Variants in CALN1 observed in about 807,000 individuals in gnomAD.
The protein encoded by CALN1 is calneuron 1, also known as calcium-binding protein 8.
CALN1 carries 17 observed loss-of-function variants against 30.6 expected under a neutral mutation model. The ratio of observed to expected loss-of-function variants is 0.56; its 90% confidence interval spans 0.38 to 0.83. CALN1 has a LOEUF of 0.83. Ranked by LOEUF, CALN1 falls within the 40% of genes least tolerant of loss-of-function variation. CALN1 has a pLI of 0.00. For missense variants in CALN1, 291 were observed against 354.9 expected (o/e 0.82, Z 1.45); for synonymous variants, 156 against 131.4 (o/e 1.19, Z -1.28).
At chr7:72,141,804 G>C (rs192730712) in intron 3 of CALN1, among the ~76,000 whole-genome samples, 296 of 152,186 alleles carry the variant, frequency 1.9e-3, no homozygotes, top group Middle Eastern at 0.01. Context: ...CCTGACCTCA[G>C]GTGATCCTCC....
At chr7:71,813,033 C>G (rs978889587) in intron 5 of CALN1, among the ~76,000 whole-genome samples, 7 of 151,930 alleles carry the variant, frequency 4.6e-5, no homozygotes, top group African/African-American at 1.7e-4. Context: ...ACTGCAACCT[C>G]CACCTCCCGA....
chr7:71,867,950 T>C (rs1037899435), intron 5 of CALN1, among the ~76,000 whole-genome samples: 4 of 152,246 alleles, frequency 2.6e-5, no homozygotes, highest in Admixed American at 1.3e-4. Flanking sequence ...AGTCCACTTA[T>C]GTTTTTAAAC....
chr7:71,799,785 T>C (rs1787198715), intron 6 of CALN1, among the ~76,000 whole-genome samples: 1 of 152,128 alleles, frequency 6.6e-6, no homozygotes, highest in African/African-American at 2.4e-5. Flanking sequence ...TGGGTCTCTA[T>C]TTTCTGTTTC....
rs771972574 is a variant in CALN1, at chr7:72,106,165, C to T, written c.374G>A (p.Arg125His). ...CCGGGTCTTACCGTCCATGTCCAAG[C>T]GCTGCATGATGATGGCCAGCTCCAC... Reference protein sequence around the residue: ...SEVELAIIMQRLDMDGDGQVD... With the variant: ...SEVELAIIMQHLDMDGDGQVD... Residue 125 changes from arginine to histidine, a missense_variant, in exon 4 of 7, where the codon CGC becomes CAC. Physicochemically the swap from Arg to His is conservative, Grantham distance 29. Coordinates refer to ENST00000395275, the MANE Select transcript of CALN1 (RefSeq NM_031468.4). 17 of 1,613,708 alleles carry T rather than the reference C, an allele frequency of 1.1e-5. No individual in the cohort carries two copies. The highest frequency in any genetic ancestry group is 3.3e-5 in the Admixed American group (2 of 59,968).
At chr7:72,354,499 T>G (rs1243648339) in intron 2 of CALN1, among the ~76,000 whole-genome samples, 1 of 152,172 alleles carries the variant, frequency 6.6e-6, no homozygotes, top group East Asian at 1.9e-4. Flanking sequence ...CAAAACCATT[T>G]TTTCAGAGAA....
At chr7:71,868,603 C>T (rs1791734963) in intron 5 of CALN1, among the ~76,000 whole-genome samples, 1 of 151,910 alleles carries the variant, frequency 6.6e-6, no homozygotes, top group Admixed American at 6.6e-5. Context: ...AACTCCTGAC[C>T]TCAGGTTATC....
rs767038975 is a variant in CALN1 at position 72,039,033 on chromosome 7, G to A, written c.389-15264C>T. Among the ~76,000 whole-genome samples, 13 of 152,270 alleles carry A rather than the reference G, an allele frequency of 8.5e-5. No homozygotes were observed. In the Middle Eastern group the frequency reaches 0.01, roughly 120 times the overall value. On this transcript the variant is annotated intron_variant, in intron 4 of 6. Transcript: ENST00000395275. The stretch of plus-strand genomic sequence containing the variant: ...AGTGAGATCCAAGAACCATCTCTTG[G>A]GGTCTGGATCAGGACCCCTTTCCTG...
At chr7:72,180,968 G>A (rs1224406886) in intron 3 of CALN1, among the ~76,000 whole-genome samples, 1 of 151,706 alleles carries the variant, frequency 6.6e-6, no homozygotes, top group Non-Finnish European at 1.5e-5. Flanking sequence ...ACATGGTGCA[G>A]GTGCCTGTAA....
At chr7:71,789,687 T>C (rs896096010) in intron 6 of CALN1, among the ~76,000 whole-genome samples, 37 of 152,288 alleles carry the variant, frequency 2.4e-4, no homozygotes, top group Admixed American at 2.3e-3. Context: ...TTTCGTTCTC[T>C]TAATCTTTCT....
intron 2 of CALN1, among the ~76,000 whole-genome samples, chr7:72,291,229 A>C (rs549211038): frequency 6.6e-6 from 1 of 152,060 alleles, no homozygotes; most frequent in East Asian, 1.9e-4. Flanking sequence ...AGCCCTTTTA[A>C]CCATTTCTGA....
At chr7:72,108,025 T>C (rs1807302696) in intron 3 of CALN1, among the ~76,000 whole-genome samples, 2 of 152,188 alleles carry the variant, frequency 1.3e-5, no homozygotes, top group Admixed American at 6.5e-5. Context: ...AAATCTATTC[T>C]CTCACAGTCT....
rs537577145 is a variant in CALN1, at chr7:72,396,412, G to A, written c.119+6839C>T. On this transcript the variant is annotated intron_variant, in intron 2 of 6. Transcript: ENST00000395275. ...CACTCCAGCTTGGGTGACAAAAGGA[G>A]ACTCTGTCTCAAAAAAAAAAAAAAA... Among the ~76,000 whole-genome samples, 5 of 123,660 alleles carry A rather than the reference G, an allele frequency of 4.0e-5. No homozygotes were observed. The East Asian group carries it at 9.7e-4, about 24-fold the overall frequency. 81.1% of individuals were successfully genotyped at this position (123,660 alleles called of 152,430 possible). A position where few individuals can be genotyped will look rare whatever the true frequency, so the allele number is the denominator to read the frequency against.
intron 1 of CALN1, among the ~76,000 whole-genome samples, chr7:72,407,969 A>G (rs769974222): frequency 1.3e-5 from 2 of 152,148 alleles, no homozygotes; most frequent in Non-Finnish European, 2.9e-5. Context: ...GAGAGTATCC[A>G]AGAAGGGAGA....
chr7:71,949,283 A>G (rs545970869), intron 5 of CALN1, among the ~76,000 whole-genome samples: 1 of 152,228 alleles, frequency 6.6e-6, no homozygotes, highest in East Asian at 1.9e-4. Flanking sequence ...TATCCTCTCC[A>G]TTTACAAAGG....
At chr7:72,405,480 G>A (rs908350400) in intron 1 of CALN1, among the ~76,000 whole-genome samples, 4 of 152,070 alleles carry the variant, frequency 2.6e-5, no homozygotes, top group South Asian at 4.2e-4. Context: ...ATATGCCCAG[G>A]AGCACTCACC....
the CALN1 span, among the ~76,000 whole-genome samples, chr7:72,460,339 A>G: frequency 2.6e-5 from 4 of 152,186 alleles, no homozygotes; most frequent in East Asian, 7.7e-4. Flanking sequence ...GGAGATGAAA[A>G]TGAAGTCCTT....
chr7:72,336,992 T>C (rs1016944339), intron 2 of CALN1: 17 of 985,254 alleles, frequency 1.7e-5, no homozygotes, highest in Non-Finnish European at 2.0e-5. Flanking sequence ...TCCCTGTCCT[T>C]GTCCTCTGCT....
chr7:71,898,186 T>C (rs1456603679), intron 5 of CALN1, among the ~76,000 whole-genome samples: 2 of 151,708 alleles, frequency 1.3e-5, no homozygotes, highest in Non-Finnish European at 2.9e-5. Flanking sequence ...AAAAATTAGC[T>C]GGGCATGGTG....
intron 4 of CALN1, among the ~76,000 whole-genome samples, chr7:72,033,377 A>G (rs892180710): frequency 2.0e-5 from 3 of 152,244 alleles, no homozygotes; most frequent in African/African-American, 7.2e-5. Flanking sequence ...TGTCTATCTG[A>G]GACTCCATTC....
Sources: allele counts gnomAD v4.1 joint callset (sites outside exome capture counted in the v4.1 genomes callset), GRCh38; gene constraint gnomAD v4.1.1; transcripts MANE v1.5; gene names NCBI Gene and HGNC (gene_info 2026-07-23, HGNC 2026-07-21).